TAFA2: variants seen among roughly 807,000 people sequenced by gnomAD.
TAFA2 encodes TAFA chemokine like family member 2, also known as chemokine-like protein TAFA-2.
Under a neutral mutation model 18.8 loss-of-function variants are expected in TAFA2, and 7 were observed. The ratio of observed to expected loss-of-function variants is 0.37; its 90% CI spans 0.21 to 0.70. The LOEUF (loss-of-function observed/expected upper bound fraction) is 0.70. Ranked by LOEUF, TAFA2 falls within the 30% of genes least tolerant of loss-of-function variation. TAFA2 has a pLI of 0.53. For synonymous variants in TAFA2, 60 were observed against 54.2 expected (o/e 1.11, Z -0.47); for missense variants, 122 against 158.1 (o/e 0.77, Z 1.23).
intron 1 of TAFA2, among the ~76,000 whole-genome samples, chr12:62,094,490 A>G (rs1410924863): frequency 6.6e-6 from 1 of 152,074 alleles, no homozygotes; most frequent in Non-Finnish European, 1.5e-5. Flanking sequence ...TGAAATACAA[A>G]TAAAAATTTT....
chr12:61,962,432 G>A (rs995702515), intron 1 of TAFA2, among the ~76,000 whole-genome samples: 3 of 151,894 alleles, frequency 2.0e-5, no homozygotes, highest in Non-Finnish European at 2.9e-5. Context: ...GATGAGGACT[G>A]GAATCATGGA....
intron 4 of TAFA2, among the ~76,000 whole-genome samples, chr12:61,722,033 A>G (rs182369651): frequency 2.6e-4 from 39 of 152,324 alleles, no homozygotes; most frequent in African/African-American, 9.4e-4. Flanking sequence ...TTGAATTTCA[A>G]ATATTTGAAG....
Position 62,079,424 on chromosome 12 carries a change from G to C in TAFA2, c.-2+111835C>G, listed in dbSNP as rs60410150. Among the ~76,000 whole-genome samples, 462 of 151,874 alleles carry C rather than the reference G, an allele frequency of 3.0e-3. 3 individuals carry two copies. The highest frequency in any genetic ancestry group is 0.011 in the African/African-American group (452 of 41,358). Reference sequence around the variant, plus strand: ...TCCCAGCACTTTGGGAGGCTGAGGAGGGCTGATTGCCTGAGGTCAGGAGTT... The same window carrying C: ...TCCCAGCACTTTGGGAGGCTGAGGACGGCTGATTGCCTGAGGTCAGGAGTT... On this transcript the variant is annotated intron_variant, in intron 1 of 4. Coordinates refer to ENST00000416284, the MANE Select transcript of TAFA2 (RefSeq NM_178539.5).
chr12:62,219,305 T>C (rs1405513257), intron 1 of TAFA2, among the ~76,000 whole-genome samples: 1 of 152,158 alleles, frequency 6.6e-6, no homozygotes, highest in Non-Finnish European at 1.5e-5. Context: ...AATGAAATCA[T>C]AGGTCACAAT....
intron 1 of TAFA2, among the ~76,000 whole-genome samples, chr12:62,122,225 T>C (rs907310370): frequency 2.6e-5 from 4 of 152,190 alleles, no homozygotes; most frequent in Non-Finnish European, 4.4e-5. Flanking sequence ...CTTATAAGTT[T>C]TTTTAAAAGC....
intron 4 of TAFA2, among the ~76,000 whole-genome samples, chr12:61,745,305 A>T (rs1017201797): frequency 6.6e-6 from 1 of 152,098 alleles, no homozygotes; most frequent in Non-Finnish European, 1.5e-5. Context: ...CAGTTGTGAC[A>T]TTACTCATGT....
chr12:61,728,375 A>C (rs897862892), intron 4 of TAFA2, among the ~76,000 whole-genome samples: 2 of 151,940 alleles, frequency 1.3e-5, no homozygotes, highest in Non-Finnish European at 1.5e-5. Flanking sequence ...TCTTAGGTCT[A>C]GCAGTAATTG....
chr12:61,816,422 T>C lies in TAFA2; in HGVS notation c.106+50898A>G, dbSNP rs371209161. Among the ~76,000 whole-genome samples, 9 of 151,544 alleles carry C rather than the reference T, an allele frequency of 5.9e-5. 1 individual carries two copies. Among genetic ancestry groups the C allele is most frequent in the East Asian group, 3.9e-4 (2 of 5,180 alleles). On this transcript the variant is annotated intron_variant, in intron 2 of 4. Transcript: ENST00000416284. ...CCACATTTTCTTTATCCAGCTGTCATTGATGGGCATTTAGGTTGATTCCAT... is the reference window on the plus strand; with the variant it reads ...CCACATTTTCTTTATCCAGCTGTCACTGATGGGCATTTAGGTTGATTCCAT...
intron 1 of TAFA2, among the ~76,000 whole-genome samples, chr12:62,222,601 G>A (rs557165093): frequency 3.3e-5 from 5 of 151,842 alleles, no homozygotes; most frequent in Non-Finnish European, 5.9e-5. Context: ...TCCACCTCCC[G>A]GGTCATGCCA....
At chr12:62,091,135 G>T (rs1310323167) in intron 1 of TAFA2, among the ~76,000 whole-genome samples, 1 of 151,922 alleles carries the variant, frequency 6.6e-6, no homozygotes, top group South Asian at 2.1e-4. Context: ...AGACAAAAAA[G>T]TTGGTTTGAA....
chr12:62,099,802 TA>T (rs1869110790), intron 1 of TAFA2, among the ~76,000 whole-genome samples: 1 of 152,062 alleles, frequency 6.6e-6, no homozygotes, highest in Non-Finnish European at 1.5e-5. Flanking sequence ...TACAGATCAG[TA>T]AACCAAAGCT....
chr12:62,121,349 G>A (rs182356020), intron 1 of TAFA2, among the ~76,000 whole-genome samples: 2 of 152,274 alleles, frequency 1.3e-5, no homozygotes, highest in East Asian at 3.9e-4. Flanking sequence ...ATTTGCGCTT[G>A]TAGTCAGAGA....
At chr12:61,910,735 G>A (rs867996583) in intron 1 of TAFA2, among the ~76,000 whole-genome samples, 2 of 152,160 alleles carry the variant, frequency 1.3e-5, no homozygotes, top group South Asian at 2.1e-4. Context: ...AATTGTTCTG[G>A]GTCTTGAAAC....
At chr12:61,719,012 T>G (rs936875706) in intron 4 of TAFA2, among the ~76,000 whole-genome samples, 9 of 152,136 alleles carry the variant, frequency 5.9e-5, no homozygotes, top group Non-Finnish European at 1.0e-4. Flanking sequence ...CACAAATGGC[T>G]CTTAGGGACA....
At chr12:62,042,126 T>C (rs967819856) in intron 1 of TAFA2, among the ~76,000 whole-genome samples, 3 of 151,988 alleles carry the variant, frequency 2.0e-5, no homozygotes, top group African/African-American at 7.3e-5. Flanking sequence ...AACTCCTTCA[T>C]ATCTGAAGGG....
chr12:62,058,403 CG>C (rs1882242395), intron 1 of TAFA2, among the ~76,000 whole-genome samples: 1 of 152,144 alleles, frequency 6.6e-6, no homozygotes, highest in Non-Finnish European at 1.5e-5. Flanking sequence ...AGACTTTTCA[CG>C]TATTGTTTTA....
chr12:62,229,718 A>G (rs1388809450), intron 1 of TAFA2, among the ~76,000 whole-genome samples: 2 of 151,936 alleles, frequency 1.3e-5, no homozygotes, highest in African/African-American at 4.8e-5. Context: ...AAGGTAATTC[A>G]AGATTTGTAG....
At chr12:62,031,246 A>G (rs1243903356) in intron 1 of TAFA2, among the ~76,000 whole-genome samples, 1 of 152,008 alleles carries the variant, frequency 6.6e-6, no homozygotes, top group Non-Finnish European at 1.5e-5. Flanking sequence ...GGTGGTCACC[A>G]TCTAAGAAAC....
chr12:61,865,823 C>A (rs1874329527), intron 2 of TAFA2, among the ~76,000 whole-genome samples: 1 of 152,150 alleles, frequency 6.6e-6, no homozygotes, highest in African/African-American at 2.4e-5. Flanking sequence ...TTTCTATGAT[C>A]CCCCACTCCT....
Sources: allele counts gnomAD v4.1 joint callset (sites outside exome capture counted in the v4.1 genomes callset), GRCh38; gene constraint gnomAD v4.1.1; transcripts MANE v1.5; gene names NCBI Gene and HGNC (gene_info 2026-07-23, HGNC 2026-07-21).